The following PRAMEF20 variants were observed in gnomAD, a reference collection of about 807,000 sequenced individuals.
The protein encoded by PRAMEF20 is PRAME family member 20/21.
In PRAMEF20, 27 loss-of-function variants were observed where a neutral mutation model predicts 32.4. The ratio of observed to expected loss-of-function variants is 0.83; its 90% confidence interval spans 0.61 to 1.15. The LOEUF (loss-of-function observed/expected upper bound fraction) is 1.15. Among genes scored for constraint, PRAMEF20 ranks in the 50% most tolerant of loss-of-function variants. PRAMEF20 has a pLI of 0.00. For missense variants in PRAMEF20, 604 were observed against 584.5 expected, an observed-to-expected ratio of 1.03 and a Z score of -0.34; for synonymous variants, 256 against 235.4, an observed-to-expected ratio of 1.09 and a Z score of -0.80.
At chr1:13,419,368 C>G (rs1641217856) in intron 2 of PRAMEF20, among the ~76,000 whole-genome samples, 1 of 152,010 alleles carries the variant, frequency 6.6e-6, no homozygotes, top group African/African-American at 2.4e-5. Flanking sequence ...AGGCTGGTCT[C>G]AAATTCCTGA....
chr1:13,419,722 C>T (rs1641221491), intron 2 of PRAMEF20, among the ~76,000 whole-genome samples: 1 of 151,996 alleles, frequency 6.6e-6, no homozygotes, highest in South Asian at 2.1e-4. Context: ...CCGCACCCGG[C>T]CAAAACAAGA....
At chr1:13,412,152 C>T (rs921691652), upstream of PRAMEF20, among the ~76,000 whole-genome samples, 5 of 151,896 alleles carry the variant, frequency 3.3e-5, no homozygotes, top group South Asian at 2.1e-4. Flanking sequence ...CAAGTAGCTG[C>T]GATTAGAGGC....
At chr1:13,416,191 TG>T (rs1641167204), upstream of PRAMEF20, among the ~76,000 whole-genome samples, 1 of 152,232 alleles carries the variant, frequency 6.6e-6, no homozygotes, top group African/African-American at 2.4e-5. Flanking sequence ...CCTGGCTTTG[TG>T]GCCACTGAGT....
At chr1:13,413,602 G>T (rs994898030), upstream of PRAMEF20, among the ~76,000 whole-genome samples, 2 of 151,916 alleles carry the variant, frequency 1.3e-5, no homozygotes, top group Admixed American at 6.6e-5. Flanking sequence ...TGACCTCTAG[G>T]CATCCACCCT....
At chr1:13,418,604 C>A in exon 2 of PRAMEF20, 1 of 1,613,934 alleles carries the variant, frequency 6.2e-7, no homozygotes, top group Non-Finnish European at 8.5e-7. Flanking sequence ...GAGTTTGTTA[C>A]CCAGTTCACC....
Position 13,418,100 on chromosome 1 carries a change from CCT to C in PRAMEF20, c.288-17_288-16del. ...CAGAAGTGAGTCCTTAAATTCTCAG[CCT>C]CTCTTCTATTTTTCCTCAGGAGGTG... On this transcript the variant is annotated intron_variant, in intron 1 of 2. Coordinates refer to ENST00000602960, the Ensembl canonical transcript of PRAMEF20. 3 of 1,611,848 alleles carry C rather than the reference CCT, an allele frequency of 1.9e-6. No individual in the cohort carries two copies. Among genetic ancestry groups the C allele is most frequent in the Non-Finnish European group, 2.5e-6 (3 of 1,179,828 alleles).
chr1:13,411,564 T>A (rs1569862400), upstream of PRAMEF20, among the ~76,000 whole-genome samples: 1 of 152,312 alleles, frequency 6.6e-6, no homozygotes, highest in Non-Finnish European at 1.5e-5. Flanking sequence ...ATGGTCATTA[T>A]CCTGGGTGTA....
exon 2 of PRAMEF20, chr1:13,418,478 A>G: frequency 6.2e-7 from 1 of 1,613,934 alleles, no homozygotes; most frequent in Non-Finnish European, 8.5e-7. Context: ...GTGAATTGCA[A>G]TTGGACACTG....
At chr1:13,418,008 T>A in intron 1 of PRAMEF20, 114 bp from the exon 3 acceptor site, 2 of 1,562,514 alleles carry the variant, frequency 1.3e-6, no homozygotes, top group South Asian at 2.3e-5. Context: ...TCTCCTGACC[T>A]TGTGATCCGC....
intron 2 of PRAMEF20, among the ~76,000 whole-genome samples, chr1:13,419,471 G>GT (rs1641218900): frequency 2.0e-5 from 3 of 151,766 alleles, no homozygotes; most frequent in African/African-American, 7.3e-5. Flanking sequence ...AATTTTTTTT[G>GT]TTTTTTTGAG....
chr1:13,421,226 T>G lies in PRAMEF20; in HGVS notation c.1396T>G (p.Tyr466Asp), dbSNP rs951339339. 8.4e-5 allele frequency: 135 copies of G among 1,613,960 alleles called. 1 individual carries two copies. The Middle Eastern group carries it at 2.5e-3, about 30-fold the overall frequency. Residue 466 changes from tyrosine (Y) to aspartate (D), a missense_variant, in exon 3 of 3, where the codon TAC becomes GAC. Coordinates refer to ENST00000602960, the Ensembl canonical transcript of PRAMEF20. The stretch of plus-strand genomic sequence containing the variant: ...CCCTCAGTGTGGCAACAGGTCACTT[T>G]ACGACCTGGAGGTAGATCGGTGTTG...
chr1:13,412,000 T>A (rs1641118897), upstream of PRAMEF20, among the ~76,000 whole-genome samples: 1 of 152,026 alleles, frequency 6.6e-6, no homozygotes, highest in African/African-American at 2.4e-5. Flanking sequence ...GGCTTTTAAT[T>A]GGTCATTCTG....
the PRAMEF20 span, among the ~76,000 whole-genome samples, chr1:13,411,266 C>T: frequency 6.2e-4 from 94 of 152,254 alleles, no homozygotes; most frequent in African/African-American, 2.2e-3. Flanking sequence ...AAGTTTGAGG[C>T]TGCAATGAGC....
upstream of PRAMEF20, among the ~76,000 whole-genome samples, chr1:13,412,032 T>A (rs886336668): frequency 2.7e-5 from 4 of 149,646 alleles, no homozygotes; most frequent in East Asian, 1.9e-4. Context: ...ATTTAATTTA[T>A]TTTATTTATT....
intron 1 of PRAMEF20, among the ~76,000 whole-genome samples, chr1:13,417,910 T>TGTGTGTGTGTGTGTGTG (rs1369049111): frequency 0.021 from 2,565 of 124,254 alleles, 184 homozygotes; most frequent in Admixed American, 0.027. Flanking sequence ...CCCGGCTAAT[T>TGTGTGTGTGTGTGTGTG]TGTGTGTGTG....
chr1:13,416,319 T>G, upstream of PRAMEF20: 1 of 1,612,106 alleles, frequency 6.2e-7, no homozygotes, highest in Non-Finnish European at 8.5e-7. Context: ...TTCTCTGGAT[T>G]TGTCCTCTGG....
intron 2 of PRAMEF20, 56 bp downstream of exon 3, chr1:13,418,756 AG>A (rs1389262668): frequency 5.3e-5 from 86 of 1,609,694 alleles, no homozygotes; most frequent in Non-Finnish European, 7.2e-5. Context: ...TTCTTGTTAC[AG>A]GGGGCATCTA....
At chr1:13,417,546 T>C (rs1414656812) in intron 1 of PRAMEF20, among the ~76,000 whole-genome samples, 1 of 148,866 alleles carries the variant, frequency 6.7e-6, no homozygotes, top group African/African-American at 2.5e-5. Flanking sequence ...GAGGTTGCAG[T>C]GAGGCGAGAT....
intron 1 of PRAMEF20, among the ~76,000 whole-genome samples, chr1:13,417,910 T>TTCTGTGTGTGTGTGTGTGTG (rs1641197944): frequency 1.6e-5 from 2 of 124,218 alleles, no homozygotes; most frequent in Non-Finnish European, 3.4e-5. Flanking sequence ...CCCGGCTAAT[T>TTCTGTGTGTGTGTGTGTGTG]TGTGTGTGTG....
Sources: gnomAD v4.1 joint callset for allele counts (sites outside exome capture counted in the v4.1 genomes callset) on GRCh38, gnomAD v4.1.1 for gene constraint, MANE v1.5 for transcripts, NCBI Gene and HGNC (gene_info 2026-07-23, HGNC 2026-07-21) for gene names.